Variants in SNRNP200 observed in about 807,000 individuals in gnomAD.
SNRNP200 encodes small nuclear ribonucleoprotein U5 subunit 200, also known as U5 small nuclear ribonucleoprotein 200 kDa helicase.
A neutral mutation model predicts 255.2 loss-of-function variants in SNRNP200; 66 were observed. The ratio of observed to expected loss-of-function variants is 0.26; its 90% CI spans 0.21 to 0.32. SNRNP200 has a LOEUF of 0.32. SNRNP200 is among the 10% of genes least tolerant of loss of function. The pLI is 1.00. For synonymous variants in SNRNP200, 939 were observed against 1,027.8 expected (o/e 0.91, Z 1.65); for missense variants, 1,585 against 2,749.8 (o/e 0.58, Z 9.47).
At chr2:96,284,753 T>A (rs988425749) in intron 30 of SNRNP200, 168 bp from the exon 31 acceptor site, 3 of 624,690 alleles carry the variant, frequency 4.8e-6, no homozygotes, top group Non-Finnish European at 8.5e-6. Context: ...CTTTTTCTTT[T>A]TTTTTTTTCT....
rs1351071469 is a variant in SNRNP200 at position 96,278,848 on chromosome 2, G to A, written c.5284C>T (p.Arg1762Cys). The change falls in exon 37 of 45, where the codon CGC becomes TGC. Residue 1762 changes from arginine (R) to cysteine (C), a missense_variant. Arg to Cys is a radical substitution (Grantham distance 180, BLOSUM62 -3). This residue lies in a region of SNRNP200 where 279 missense variants were observed against 551.2 expected (regional missense o/e 0.51). Transcript: ENST00000323853. The surrounding 1 kb of genome is among the most constrained non-coding windows in gnomAD (Gnocchi z 6.9). ...VDYLTWTFLY[R>C]RMTQNPNYYN... ...TAATTGGGGTTCTGTGTCATGCGGC[G>A]GTACAGAAAGGTCCAGGTGAGGTAG... 4 of 1,614,018 alleles carry A rather than the reference G, an allele frequency of 2.5e-6. No homozygotes were observed. Among genetic ancestry groups the A allele is most frequent in the African/African-American group, 1.3e-5 (1 of 74,896 alleles).
At chr2:96,281,064 A>G (rs1684752290) in intron 35 of SNRNP200, 2 of 146,600 alleles carry the variant, frequency 1.4e-5, no homozygotes, top group South Asian at 4.3e-4. Flanking sequence ...GGGTTTTGTC[A>G]TGTTGGCCAG....
At position 96,278,116 on chromosome 2, in the gene SNRNP200, A is replaced by C. The variant is rs996512030; in HGVS notation, c.5610+121T>G. 1 of 1,540,314 alleles carries C rather than the reference A, an allele frequency of 6.5e-7. No homozygotes were observed. Among genetic ancestry groups the C allele is most frequent in the East Asian group, 2.2e-5 (1 of 44,508 alleles). Reference sequence around the variant, plus strand: ...TTTGAGGGAGGTATGGAGCGGGAGGACATATGGCGGGGGTCGGGGGATGCG... The same window carrying C: ...TTTGAGGGAGGTATGGAGCGGGAGGCCATATGGCGGGGGTCGGGGGATGCG... On this transcript the variant is annotated intron_variant, in intron 39 of 44. Coordinates refer to ENST00000323853, the MANE Select transcript of SNRNP200 (RefSeq NM_014014.5). The surrounding 1 kb of genome is among the most constrained non-coding windows in gnomAD (Gnocchi z 6.9).
intron 23 of SNRNP200, 62 bp downstream of exon 23, chr2:96,288,975 T>C: frequency 6.8e-7 from 1 of 1,462,706 alleles, no homozygotes; most frequent in Non-Finnish European, 9.4e-7. Context: ...GTTCATCTTT[T>C]AGAAGATTAT....
At position 96,283,059 on chromosome 2, in the gene SNRNP200, G is replaced by C; in HGVS notation, c.4915+142C>G. 9.1e-7 allele frequency: 1 copy of C among 1,097,010 alleles called. No homozygotes were observed. The highest frequency in any genetic ancestry group is 1.4e-6 in the Non-Finnish European group (1 of 733,260). The allele number at this position is 1,097,010 out of a possible 1,614,324, so 68.0% of individuals were successfully genotyped here. ...CACGAGGTTCTTGGGAGGATCAAATGAGTTAACAGCCAAGAGTCCTAAACA... is the reference window on the plus strand; with the variant it reads ...CACGAGGTTCTTGGGAGGATCAAATCAGTTAACAGCCAAGAGTCCTAAACA... On this transcript the variant is annotated intron_variant, in intron 34 of 44. Coordinates refer to ENST00000323853, the MANE Select transcript of SNRNP200 (RefSeq NM_014014.5). This position sits in a 1 kb window ranked among gnomAD's most constrained non-coding sequence, Gnocchi z 4.7.
Position 96,293,086 on chromosome 2 carries a change from T to G in SNRNP200, c.2046A>C (p.Pro682=). ...GLFYFDNSFR[P]VPLEQTYVGI... ...CCACATATGTCTGTTCCAGAGGCAC[T>G]GGACGGAAGCTAGAAGTTCAACAGT... The change falls in exon 16 of 45, where the codon CCA becomes CCC. Residue 682 remains proline (P), a synonymous_variant. Transcript: ENST00000323853. The G allele has an allele frequency of 6.2e-7, 1 of 1,614,238 alleles. No homozygotes were observed. Among genetic ancestry groups the G allele is most frequent in the Middle Eastern group, 1.6e-4 (1 of 6,062 alleles).
In SNRNP200 at chr2:96,305,491, A is replaced by C; in HGVS notation, c.-54T>G. Reference sequence around the variant, plus strand: ...ACCACGCCTCCCTACCGCAAGCTGCAAACGGCCGCAGATCTCTGCTCCCGC... The same window carrying C: ...ACCACGCCTCCCTACCGCAAGCTGCCAACGGCCGCAGATCTCTGCTCCCGC... On this transcript the variant is annotated 5_prime_UTR_variant, in exon 1 of 45. Coordinates refer to ENST00000323853, the MANE Select transcript of SNRNP200 (RefSeq NM_014014.5). 1 of 1,611,554 alleles carries C rather than the reference A, an allele frequency of 6.2e-7. No individual in the cohort carries two copies. Among genetic ancestry groups the C allele is most frequent in the South Asian group, 1.1e-5 (1 of 91,056 alleles).
rs1013563102 is a variant in SNRNP200 at position 96,303,747 on chromosome 2, G to A, written c.210-417C>T. Among the ~76,000 whole-genome samples the A allele has an allele frequency of 5.9e-5, 9 of 152,048 alleles. No individual in the cohort carries two copies. The South Asian group carries it at 1.5e-3, about 25-fold the overall frequency. ...TCTACTAAATATACAAAAATTAGCC[G>A]GGCACAGTGGCGAGCGCCTGTAATC... is the stretch of plus-strand genomic sequence containing the variant. On this transcript the variant is annotated intron_variant, in intron 2 of 44. Coordinates refer to ENST00000323853, the MANE Select transcript of SNRNP200 (RefSeq NM_014014.5).
chr2:96,289,008 T>C, intron 23 of SNRNP200, 29 bp downstream of exon 23: 2 of 1,573,048 alleles, frequency 1.3e-6, no homozygotes, highest in Non-Finnish European at 1.7e-6. Context: ...ATCCTCATCC[T>C]TATCAAAGCA....
At chr2:96,280,128 G>C (rs1684734970) in intron 35 of SNRNP200, among the ~76,000 whole-genome samples, 1 of 152,172 alleles carries the variant, frequency 6.6e-6, no homozygotes, top group Non-Finnish European at 1.5e-5. Flanking sequence ...ACCCTACCTA[G>C]AAGCAGGTTC....
chr2:96,298,247 C>T lies in SNRNP200; in HGVS notation c.1119+37G>A, dbSNP rs1162310590. On this transcript the variant is annotated intron_variant, in intron 9 of 44. Transcript: ENST00000323853. ...GCTGCAATCTTCTAGCCACCGTTAGCTCAGAAATCAGACAGATAAACCAAC... is the reference window on the plus strand; with the variant it reads ...GCTGCAATCTTCTAGCCACCGTTAGTTCAGAAATCAGACAGATAAACCAAC... 9 of 1,613,950 alleles carry T rather than the reference C, an allele frequency of 5.6e-6. No homozygotes were observed. The African/African-American group carries it at 1.2e-4, about 22-fold the overall frequency.
In SNRNP200 at chr2:96,291,568, T is replaced by A. The variant is rs2063884124; in HGVS notation, c.2311-66A>T. ...AGGACTCATCCAAGGACTAAGGAAA[T>A]CTCCTCCCATGAGACCCTGCCCCTT... On this transcript the variant is annotated intron_variant, in intron 17 of 44. Transcript: ENST00000323853. This position sits in a 1 kb window ranked among gnomAD's most constrained non-coding sequence, Gnocchi z 4.2. 1 of 1,270,834 alleles carries A rather than the reference T, an allele frequency of 7.9e-7. No homozygotes were observed. Among genetic ancestry groups the A allele is most frequent in the Non-Finnish European group, 1.2e-6 (1 of 868,934 alleles). The allele number at this position is 1,270,834 out of a possible 1,614,324, so 78.7% of individuals were successfully genotyped here.
Position 96,291,995 on chromosome 2 carries a change from G to A in SNRNP200, c.2161-95C>T, listed in dbSNP as rs182041941. On this transcript the variant is annotated intron_variant, in intron 16 of 44. Coordinates refer to ENST00000323853, the MANE Select transcript of SNRNP200 (RefSeq NM_014014.5). The surrounding 1 kb of genome is among the most constrained non-coding windows in gnomAD (Gnocchi z 4.2). ...AGAAGTTGCACCATCACCACCAGAA[G>A]CCAAGGTCCTGGAGAGGGGCAAGGG... 316 of 1,402,172 alleles carry A rather than the reference G, an allele frequency of 2.3e-4. No homozygotes were observed. The African/African-American group carries it at 4.2e-3, about 19-fold the overall frequency. 86.9% of individuals were successfully genotyped at this position (1,402,172 alleles called of 1,614,324 possible).
chr2:96,304,655 G>A (rs1449335959), intron 2 of SNRNP200, 50 bp downstream of exon 2: 5 of 1,611,000 alleles, frequency 3.1e-6, no homozygotes, highest in South Asian at 1.1e-5. Flanking sequence ...AATGTTAAAG[G>A]GAAGAGACTT....
At chr2:96,276,655 C>T (rs956300256) in intron 43 of SNRNP200, 9 of 514,542 alleles carry the variant, frequency 1.7e-5, no homozygotes, top group African/African-American at 1.5e-4. Flanking sequence ...CTCCTGACCT[C>T]GTGATCCGCC....
chr2:96,278,804 C>G lies in SNRNP200; in HGVS notation c.5323+5G>C. ...AGGATCACGTGTGCTCCCAAGCCCA[C>G]TGACCCTGCAGGTTGTAGTAATTGG... On this transcript the variant is annotated splice_donor_5th_base_variant and intron_variant, in intron 37 of 44. Transcript: ENST00000323853. This position sits in a 1 kb window ranked among gnomAD's most constrained non-coding sequence, Gnocchi z 6.9. 6.2e-7 allele frequency: 1 copy of G among 1,614,210 alleles called. No individual in the cohort carries two copies. Among genetic ancestry groups the G allele is most frequent in the Non-Finnish European group, 8.5e-7 (1 of 1,180,044 alleles).
intron 9 of SNRNP200, 128 bp from the exon 10 acceptor site, chr2:96,297,848 C>A (rs2063928398): frequency 9.5e-6 from 9 of 947,764 alleles, no homozygotes; most frequent in Non-Finnish European, 1.2e-5. Context: ...AACAGAAAGA[C>A]AGTGCTTTAC....
At chr2:96,288,787 G>A in intron 23 of SNRNP200, 41 bp from the exon 24 acceptor site, 1 of 1,530,612 alleles carries the variant, frequency 6.5e-7, no homozygotes, top group Non-Finnish European at 9.1e-7. Flanking sequence ...ACCAATCACT[G>A]AACAGTCCAA....
At position 96,301,715 on chromosome 2, in the gene SNRNP200, G is replaced by C; in HGVS notation, c.383C>G (p.Pro128Arg). The C allele has an allele frequency of 1.2e-6, 2 of 1,614,104 alleles. No homozygotes were observed. The highest frequency in any genetic ancestry group is 1.7e-6 in the Non-Finnish European group (2 of 1,180,042). ...AGCTGCCCCACAAAGGATATCACGT[G>C]GCTGGTGGCAAGAAACAACCAACCA... ...SFIQAALGDQ[P>R]RDILCGAADE... Residue 128 changes from proline to arginine, a missense_variant and splice_region_variant, in exon 4 of 45, where the codon CCA becomes CGA. Pro to Arg is a moderately radical substitution (Grantham distance 103). Around this residue, in one of 9 missense-constraint regions of SNRNP200, gnomAD observed 383 missense variants for 645.3 expected, o/e 0.59. Transcript: ENST00000323853.
Sources: gnomAD v4.1 joint callset for allele counts (sites outside exome capture counted in the v4.1 genomes callset) on GRCh38, gnomAD v4.1.1 for gene constraint, gnomAD v4.1.1 regional missense constraint, Gnocchi (gnomAD v3.1) non-coding constraint, MANE v1.5 for transcripts, NCBI Gene and HGNC (gene_info 2026-07-23, HGNC 2026-07-21) for gene names.